Variants in KCND3 observed in about 807,000 individuals in gnomAD.
KCND3 encodes the protein A-type voltage-gated potassium channel KCND3.
A neutral mutation model predicts 51.1 loss-of-function variants in KCND3; 9 were observed. The ratio of observed to expected loss-of-function variants is 0.18; its 90% CI spans 0.11 to 0.31. The LOEUF is 0.31. KCND3 is among the 10% of genes least tolerant of loss of function. The pLI is 1.00. For synonymous variants in KCND3, 349 were observed against 368.0 expected, an observed-to-expected ratio of 0.95 and a Z score of 0.59; for missense variants, 526 against 903.8, an observed-to-expected ratio of 0.58 and a Z score of 5.36.
At chr1:111,810,292 C>T (rs17028643) in intron 2 of KCND3, among the ~76,000 whole-genome samples, 12,435 of 152,160 alleles carry the variant, frequency 0.082, 889 homozygotes, top group African/African-American at 0.18. Flanking sequence ...GTCCTTGGTC[C>T]TGTAGAATGG....
At chr1:111,984,553 T>A (rs571297304) in intron 1 of KCND3, among the ~76,000 whole-genome samples, 1 of 152,204 alleles carries the variant, frequency 6.6e-6, no homozygotes, top group Non-Finnish European at 1.5e-5. Context: ...GTTTCTCCTA[T>A]TCCCCTGAAA....
intron 1 of KCND3, among the ~76,000 whole-genome samples, 176 bp downstream of exon 1, chr1:111,989,328 GC>G (rs1675500759): frequency 6.6e-6 from 1 of 152,100 alleles, no homozygotes; most frequent in Non-Finnish European, 1.5e-5. Context: ...ACGCCCCCGG[GC>G]CGGCTGTCTG....
chr1:111,894,081 T>G (rs114074877), intron 2 of KCND3, among the ~76,000 whole-genome samples: 3 of 152,196 alleles, frequency 2.0e-5, no homozygotes, highest in Non-Finnish European at 4.4e-5. Context: ...TCACAGTCTC[T>G]AGTGGCTTTC....
chr1:111,912,032 A>T (rs1670975150), intron 2 of KCND3, among the ~76,000 whole-genome samples: 1 of 152,214 alleles, frequency 6.6e-6, no homozygotes, highest in South Asian at 2.1e-4. Flanking sequence ...CTGAAAGGGG[A>T]TCCACTTAAA....
chr1:111,810,913 G>A (rs1665818321), intron 2 of KCND3, among the ~76,000 whole-genome samples: 1 of 152,158 alleles, frequency 6.6e-6, no homozygotes, highest in Non-Finnish European at 1.5e-5. Flanking sequence ...GCTGTAAAAG[G>A]AGCCAAGCCA....
intron 2 of KCND3, among the ~76,000 whole-genome samples, chr1:111,862,766 A>G (rs1030751417): frequency 4.3e-4 from 65 of 152,256 alleles, no homozygotes; most frequent in African/African-American, 1.4e-3. Context: ...TTTGAAACTG[A>G]ATCAGCTATT....
intron 2 of KCND3, among the ~76,000 whole-genome samples, chr1:111,795,962 ATT>A (rs558806717): frequency 1.1e-3 from 168 of 152,120 alleles, no homozygotes; most frequent in Middle Eastern, 0.01. Context: ...TTTTCCTATG[ATT>A]GTTGGCCGCA....
At chr1:111,960,239 G>A (rs1318425951) in intron 2 of KCND3, among the ~76,000 whole-genome samples, 1 of 152,090 alleles carries the variant, frequency 6.6e-6, no homozygotes, top group Non-Finnish European at 1.5e-5. Flanking sequence ...GTTGGGATCT[G>A]TCTCCTCTAC....
At chr1:111,819,394 T>A (rs1343326474) in intron 2 of KCND3, among the ~76,000 whole-genome samples, 7 of 150,782 alleles carry the variant, frequency 4.6e-5, no homozygotes, top group Non-Finnish European at 7.4e-5. Flanking sequence ...AAAAAAAAAA[T>A]TCCCCAAACC....
At chr1:111,972,341 T>G (rs1674384778) in intron 2 of KCND3, among the ~76,000 whole-genome samples, 2 of 151,338 alleles carry the variant, frequency 1.3e-5, no homozygotes, top group Non-Finnish European at 2.9e-5. Flanking sequence ...CCCGGCTAAT[T>G]TTTTGTATTT....
intron 2 of KCND3, among the ~76,000 whole-genome samples, chr1:111,936,186 C>T (rs1362050973): frequency 6.6e-6 from 1 of 152,184 alleles, no homozygotes; most frequent in African/African-American, 2.4e-5. Context: ...TGAAGACTGG[C>T]TGTGTCCGTG....
intron 2 of KCND3, among the ~76,000 whole-genome samples, chr1:111,972,431 C>T (rs1160272074): frequency 2.0e-5 from 3 of 152,170 alleles, no homozygotes; most frequent in African/African-American, 7.2e-5. Context: ...CTCGGCCTCC[C>T]AAAGTGCTGG....
chr1:111,850,687 G>C (rs1379587657), intron 2 of KCND3, among the ~76,000 whole-genome samples: 1 of 152,214 alleles, frequency 6.6e-6, no homozygotes, highest in Admixed American at 6.5e-5. Context: ...CACTGCACCA[G>C]GACTTTCTCG....
chr1:111,804,049 G>A (rs1207200626), intron 2 of KCND3, among the ~76,000 whole-genome samples: 3 of 152,152 alleles, frequency 2.0e-5, no homozygotes, highest in African/African-American at 7.2e-5. Flanking sequence ...AGGCATCAAT[G>A]GCCACTAGAC....
chr1:111,840,822 C>T lies in KCND3; in HGVS notation c.1107-53716G>A, dbSNP rs555061611. ...CCCTCCCCAGGCTATCAGTCATGCT[C>T]GGATGACGTGGCTGCTCCTCTAGCT... On this transcript the variant is annotated intron_variant, in intron 2 of 7. Transcript: ENST00000302127. Among the ~76,000 whole-genome samples the T allele has an allele frequency of 3.9e-5, 6 of 152,288 alleles. No individual in the cohort carries two copies. The South Asian group carries it at 6.2e-4, about 16-fold the overall frequency.
intron 2 of KCND3, among the ~76,000 whole-genome samples, chr1:111,790,229 AT>A (rs1664770566): frequency 2.0e-5 from 3 of 152,188 alleles, no homozygotes; most frequent in Admixed American, 2.0e-4. Flanking sequence ...ACCCTGGGGC[AT>A]TTATTTAACC....
Position 111,772,159 on chromosome 1 carries a change from AT to A in KCND3, c.*3917del, listed in dbSNP as rs1663952775. 6.6e-6 allele frequency: 1 copy of A among 152,126 alleles called. No individual in the cohort carries two copies. Among genetic ancestry groups the A allele is most frequent in the African/African-American group, 2.4e-5 (1 of 41,394 alleles). The allele number at this position is 152,126 out of a possible 1,614,324, so 9.4% of individuals were successfully genotyped here. On this transcript the variant is annotated 3_prime_UTR_variant, in exon 8 of 8. Coordinates refer to ENST00000302127, the MANE Select transcript of KCND3 (RefSeq NM_001378969.1). ...ATGTTTTCCCCTCTCTGAATCAAGG[AT>A]TTAGCTACTTTACCTACTACCATCA...
chr1:111,969,599 C>T (rs781341116), intron 2 of KCND3, among the ~76,000 whole-genome samples: 15 of 152,140 alleles, frequency 9.9e-5, no homozygotes, highest in South Asian at 2.1e-4. Flanking sequence ...GAGCAAAATA[C>T]GTAAAAATAA....
chr1:111,799,517 T>G (rs1351047916), intron 2 of KCND3, among the ~76,000 whole-genome samples: 1 of 152,212 alleles, frequency 6.6e-6, no homozygotes, highest in African/African-American at 2.4e-5. Flanking sequence ...AAAGTGGATG[T>G]CCTCTTCCCA....
Sources: allele counts gnomAD v4.1 joint callset (sites outside exome capture counted in the v4.1 genomes callset), GRCh38; gene constraint gnomAD v4.1.1; transcripts MANE v1.5; gene names NCBI Gene and HGNC (gene_info 2026-07-23, HGNC 2026-07-21).